Variants in CNTNAP2 observed in about 807,000 individuals in gnomAD.
CNTNAP2 encodes the protein contactin-associated protein-like 2.
In CNTNAP2, 98 loss-of-function variants were observed where a neutral mutation model predicts 155.2. That is an observed-to-expected ratio of 0.63 (90% confidence interval 0.54 to 0.75). The LOEUF (loss-of-function observed/expected upper bound fraction) is 0.75, where lower values mean the gene tolerates loss of function less well. Among genes scored for constraint, CNTNAP2 ranks in the 30% least tolerant of loss-of-function variants. The pLI is 0.00. For missense variants in CNTNAP2, 1,727 were observed against 1,688.1 expected (o/e 1.02, Z -0.40); for synonymous variants, 651 against 631.2 (o/e 1.03, Z -0.47).
intron 1 of CNTNAP2, among the ~76,000 whole-genome samples, chr7:146,607,815 G>A (rs1171755379): frequency 1.3e-5 from 2 of 151,948 alleles, no homozygotes; most frequent in Non-Finnish European, 2.9e-5. Flanking sequence ...ATTAACTTGG[G>A]ATTTGTCACA....
intron 1 of CNTNAP2, among the ~76,000 whole-genome samples, chr7:146,469,839 ATT>A (rs55827136): frequency 3.5e-4 from 30 of 85,374 alleles, no homozygotes; most frequent in African/African-American, 5.1e-4. Context: ...CTTAATTGAC[ATT>A]TTTTTTTTTT....
intron 20 of CNTNAP2, among the ~76,000 whole-genome samples, chr7:148,237,352 A>G (rs1796060131): frequency 6.6e-6 from 1 of 152,236 alleles, no homozygotes; most frequent in African/African-American, 2.4e-5. Flanking sequence ...AGTAAAAGAC[A>G]TTGTGGTTCT....
At chr7:148,218,428 G>A (rs1012967964) in intron 19 of CNTNAP2, among the ~76,000 whole-genome samples, 1 of 152,068 alleles carries the variant, frequency 6.6e-6, no homozygotes, top group Non-Finnish European at 1.5e-5. Context: ...GTCTTGCTTT[G>A]TTGCCCAGGC....
At chr7:146,611,623 ATTTCTT>A (rs1324090626) in intron 1 of CNTNAP2, among the ~76,000 whole-genome samples, 2 of 152,164 alleles carry the variant, frequency 1.3e-5, no homozygotes, top group African/African-American at 4.8e-5. Flanking sequence ...TACAAAGAAC[ATTTCTT>A]GTATATGTTG....
chr7:146,305,089 C>T (rs1050210472), intron 1 of CNTNAP2, among the ~76,000 whole-genome samples: 4 of 152,070 alleles, frequency 2.6e-5, no homozygotes, highest in Non-Finnish European at 5.9e-5. Context: ...CCATGCATCA[C>T]GTCGTTCTCA....
intron 11 of CNTNAP2, among the ~76,000 whole-genome samples, chr7:147,533,763 C>T (rs931511391): frequency 6.7e-6 from 1 of 150,362 alleles, no homozygotes; most frequent in Non-Finnish European, 1.5e-5. Context: ...TGATAGCAGA[C>T]CAACAGGGCA....
intron 14 of CNTNAP2, among the ~76,000 whole-genome samples, chr7:147,925,622 C>A (rs185722854): frequency 2.0e-5 from 3 of 151,930 alleles, no homozygotes; most frequent in Middle Eastern, 3.4e-3. Flanking sequence ...GCCCGCCACT[C>A]GGCTAATTTT....
At chr7:147,620,393 T>C (rs936132726) in intron 12 of CNTNAP2, among the ~76,000 whole-genome samples, 9 of 152,046 alleles carry the variant, frequency 5.9e-5, no homozygotes, top group African/African-American at 1.9e-4. Context: ...AGACAGAGAA[T>C]TCAAAATAGC....
intron 1 of CNTNAP2, among the ~76,000 whole-genome samples, chr7:146,488,275 T>TCCTCCCTC (rs1235706711): frequency 1.1e-4 from 3 of 28,402 alleles, no homozygotes; most frequent in East Asian, 2.9e-3. Context: ...TCCCCTCCCC[T>TCCTCCCTC]CCTCCCTCCC....
chr7:147,199,864 A>T (rs1182785934), intron 8 of CNTNAP2, among the ~76,000 whole-genome samples: 1 of 152,084 alleles, frequency 6.6e-6, no homozygotes, highest in Non-Finnish European at 1.5e-5. Flanking sequence ...TCATTATCTC[A>T]AGAAATGTGG....
chr7:147,643,859 C>A (rs748648701), intron 13 of CNTNAP2, among the ~76,000 whole-genome samples: 2 of 152,000 alleles, frequency 1.3e-5, no homozygotes, highest in Non-Finnish European at 2.9e-5. Flanking sequence ...GATAAATATT[C>A]TTTTATACCA....
chr7:148,074,550 G>A (rs1007528876), intron 15 of CNTNAP2, among the ~76,000 whole-genome samples: 12 of 151,992 alleles, frequency 7.9e-5, no homozygotes, highest in Admixed American at 3.9e-4. Context: ...ATTGCTGGGC[G>A]TGGTGGCAGG....
chr7:148,373,851 C>T (rs769414652), intron 21 of CNTNAP2, among the ~76,000 whole-genome samples: 34 of 152,174 alleles, frequency 2.2e-4, no homozygotes, highest in Non-Finnish European at 3.7e-4. Context: ...AGTGGGTCTC[C>T]GGACTGTGTC....
chr7:146,615,355 T>C (rs1196556040), intron 1 of CNTNAP2, among the ~76,000 whole-genome samples: 1 of 152,312 alleles, frequency 6.6e-6, no homozygotes, highest in Non-Finnish European at 1.5e-5. Flanking sequence ...ATTTGACCCA[T>C]TGGACTCCCT....
At chr7:146,160,438 A>G (rs1584779298) in intron 1 of CNTNAP2, among the ~76,000 whole-genome samples, 1 of 152,286 alleles carries the variant, frequency 6.6e-6, no homozygotes, top group East Asian at 1.9e-4. Flanking sequence ...AAATTGATAG[A>G]CTGCTAGCAA....
chr7:147,533,332 T>C (rs2116729709), intron 11 of CNTNAP2, among the ~76,000 whole-genome samples: 1 of 152,330 alleles, frequency 6.6e-6, no homozygotes, highest in East Asian at 1.9e-4. Context: ...TGATTATGTT[T>C]ACATAAGTCT....
At chr7:147,653,233 G>A (rs939631954) in intron 13 of CNTNAP2, among the ~76,000 whole-genome samples, 11 of 152,128 alleles carry the variant, frequency 7.2e-5, no homozygotes, top group African/African-American at 2.7e-4. Flanking sequence ...AAATGTTGAT[G>A]TTTTCTTTCT....
intron 3 of CNTNAP2, among the ~76,000 whole-genome samples, chr7:147,022,813 A>G (rs1368433201): frequency 6.6e-6 from 1 of 152,164 alleles, no homozygotes; most frequent in Non-Finnish European, 1.5e-5. Context: ...GAAAACAAAC[A>G]TGGGACTCTT....
At chr7:147,133,470 G>A (rs1801417185) in intron 8 of CNTNAP2, among the ~76,000 whole-genome samples, 2 of 151,916 alleles carry the variant, frequency 1.3e-5, no homozygotes, top group African/African-American at 2.4e-5. Context: ...TACTCTCATG[G>A]CACCCTATGC....
Sources: allele counts gnomAD v4.1 joint callset (sites outside exome capture counted in the v4.1 genomes callset), GRCh38; gene constraint gnomAD v4.1.1; transcripts MANE v1.5; gene names NCBI Gene and HGNC (gene_info 2026-07-23, HGNC 2026-07-21).